The following GAK variants were observed in gnomAD, a reference collection of about 807,000 sequenced individuals.
The protein encoded by GAK is cyclin-G-associated kinase.
A neutral mutation model predicts 143.9 loss-of-function variants in GAK; 79 were observed. The ratio of observed to expected loss-of-function variants is 0.55; its 90% CI spans 0.46 to 0.66. The LOEUF (loss-of-function observed/expected upper bound fraction) is 0.66. Among genes scored for constraint, GAK ranks in the 30% least tolerant of loss-of-function variants. The pLI, the probability that GAK is intolerant of heterozygous loss-of-function variation, is 0.00. For missense variants in GAK, 1,693 were observed against 1,779.7 expected (o/e 0.95, Z 0.88); for synonymous variants, 881 against 765.5 (o/e 1.15, Z -2.49).
At chr4:849,830 C>CCGGGGGGGGGGGGG in intron 27 of GAK, 56 bp from the exon 28 acceptor site, 20 of 1,172,308 alleles carry the variant, frequency 1.7e-5, no homozygotes, top group Non-Finnish European at 2.3e-5. Flanking sequence ...GCGGGCGGGG[C>CCGGGGGGGGGGGGG]AGGACCCCCC....
At chr4:864,922 G>A (rs1008859675) in intron 23 of GAK, among the ~76,000 whole-genome samples, 200 bp downstream of exon 23, 1 of 152,230 alleles carries the variant, frequency 6.6e-6, no homozygotes, top group Non-Finnish European at 1.5e-5. Flanking sequence ...GTGTCCCCAC[G>A]TACCCCAGGC....
At chr4:893,829 G>T (rs752914875) in intron 8 of GAK, 45 bp downstream of exon 8, 5 of 1,527,156 alleles carry the variant, frequency 3.3e-6, no homozygotes, top group Non-Finnish European at 4.4e-6. Flanking sequence ...CGCGGGGTCT[G>T]TGCTCCAGGG....
At chr4:921,301 C>T (rs1436426558) in intron 1 of GAK, among the ~76,000 whole-genome samples, 4 of 152,198 alleles carry the variant, frequency 2.6e-5, no homozygotes, top group Admixed American at 2.0e-4. Context: ...CGGGGTTTCA[C>T]TATGTTGCCC....
intron 4 of GAK, among the ~76,000 whole-genome samples, chr4:909,693 A>T (rs895111803): frequency 1.3e-5 from 2 of 152,160 alleles, no homozygotes; most frequent in South Asian, 2.1e-4. Flanking sequence ...GACGTCTGCG[A>T]CTTATTTTTA....
intron 9 of GAK, among the ~76,000 whole-genome samples, chr4:892,437 G>A (rs1195679946): frequency 2.0e-5 from 3 of 152,216 alleles, no homozygotes; most frequent in African/African-American, 7.2e-5. Flanking sequence ...TCTGCCTCGA[G>A]GATCTGGTGA....
chr4:888,833 A>G lies in GAK; in HGVS notation c.1205+14T>C. On this transcript the variant is annotated intron_variant, in intron 11 of 27. Transcript: ENST00000314167. The stretch of plus-strand genomic sequence containing the variant: ...GCGTGCGGCAGGTCCAGGGCTCTGG[A>G]GCCTCACACTCACTTAGCGACGGAC... 2 of 1,596,194 alleles carry G rather than the reference A, an allele frequency of 1.3e-6. No homozygotes were observed. The highest frequency in any genetic ancestry group is 2.3e-5 in the East Asian group (1 of 44,236).
At position 883,414 on chromosome 4, in the gene GAK, G is replaced by C. The variant is rs1170092381; in HGVS notation, c.1305C>G (p.Ile435Met). 6.2e-7 allele frequency: 1 copy of C among 1,613,820 alleles called. No individual in the cohort carries two copies. ...AGTCCAGGAACAACCGCACATCTTC[G>C]ATGTTGTTTTTGAGCGCTGACTCCA... The part of the protein sequence containing the change: ...EGVESALKNN[I>M]EDVRLFLDSK... Residue 435 changes from isoleucine (I) to methionine (M), a missense_variant, in exon 13 of 28, where the codon ATC becomes ATG. Ile to Met is a conservative substitution (Grantham distance 10). Transcript: ENST00000314167.
At chr4:865,390 T>A in intron 22 of GAK, 146 bp from the exon 23 acceptor site, 1 of 929,892 alleles carries the variant, frequency 1.1e-6, no homozygotes, top group South Asian at 1.5e-5. Flanking sequence ...GCCTCTCTCT[T>A]CCTGAAGGGT....
chr4:870,939 A>T, intron 18 of GAK, 35 bp from the exon 19 acceptor site: 1 of 1,556,260 alleles, frequency 6.4e-7, no homozygotes, highest in Non-Finnish European at 8.8e-7. Flanking sequence ...TAGGAAGGCC[A>T]CCCAAGTAGT....
In GAK at chr4:895,921, C is replaced by A. The variant is rs373625564; in HGVS notation, c.741+539G>T. Among the ~76,000 whole-genome samples, 6 of 152,334 alleles carry A rather than the reference C, an allele frequency of 3.9e-5. No homozygotes were observed. The East Asian group carries it at 7.7e-4, about 20-fold the overall frequency. ...CGAGGGGAGCCTCAGGCAGACCCAG[C>A]CGCACAGGACGCCCCCAACTGCTAC... On this transcript the variant is annotated intron_variant, in intron 7 of 27. Coordinates refer to ENST00000314167, the MANE Select transcript of GAK (RefSeq NM_005255.4).
chr4:922,542 T>C (rs1271230376), intron 1 of GAK, among the ~76,000 whole-genome samples: 1 of 142,276 alleles, frequency 7.0e-6, no homozygotes, highest in Admixed American at 7.1e-5. Context: ...AAAGGCAGCA[T>C]CTGCAAACCA....
intron 5 of GAK, among the ~76,000 whole-genome samples, chr4:902,611 A>AAAAAAAAAAAAAAAC (rs1560401685): frequency 1.3e-5 from 2 of 149,830 alleles, no homozygotes; most frequent in African/African-American, 2.5e-5. Context: ...AAAAAAAAAA[A>AAAAAAAAAAAAAAAC]AAACCCCAAA....
chr4:883,386 T>C lies in GAK; in HGVS notation c.1333A>G (p.Lys445Glu), dbSNP rs375006351. 6.2e-7 allele frequency: 1 copy of C among 1,613,788 alleles called. No individual in the cohort carries two copies. Among genetic ancestry groups the C allele is most frequent in the Non-Finnish European group, 8.5e-7 (1 of 1,179,990 alleles). The change falls in exon 13 of 28, where the codon AAG (lysine) becomes GAG (glutamate). Residue 445 changes from lysine to glutamate, a missense_variant. Coordinates refer to ENST00000314167, the MANE Select transcript of GAK (RefSeq NM_005255.4). ...IEDVRLFLDSKHPGHYAVYNL... is the reference protein window; with the variant it reads ...IEDVRLFLDSEHPGHYAVYNL... ...TAGACGGCATAGTGCCCTGGGTGCT[T>C]GGAGTCCAGGAACAACCGCACATCT... is the stretch of plus-strand genomic sequence containing the variant.
intron 26 of GAK, 179 bp from the exon 27 acceptor site, chr4:850,247 C>T (rs2306241): frequency 0.59 from 307,862 of 523,748 alleles, 91,988 homozygotes; most frequent in South Asian, 0.78. Flanking sequence ...CCACTCCGGA[C>T]GACACAGGGC....
At chr4:899,103 A>C (rs1482153748) in intron 5 of GAK, among the ~76,000 whole-genome samples, 1 of 152,210 alleles carries the variant, frequency 6.6e-6, no homozygotes, top group Non-Finnish European at 1.5e-5. Context: ...TTAATGGCAG[A>C]GCCATGGCAA....
intron 6 of GAK, among the ~76,000 whole-genome samples, chr4:897,135 G>A (rs1018027751): frequency 4.6e-5 from 7 of 152,126 alleles, no homozygotes; most frequent in Admixed American, 2.6e-4. Flanking sequence ...GGCTGGGGCC[G>A]CAGAGCTGTG....
intron 23 of GAK, 35 bp from the exon 24 acceptor site, chr4:859,757 C>T (rs1353295507): frequency 6.8e-7 from 1 of 1,461,228 alleles, no homozygotes; most frequent in Admixed American, 2.0e-5. Context: ...GAACAAGCAC[C>T]ATCTGAAGCG....
intron 23 of GAK, among the ~76,000 whole-genome samples, chr4:864,631 ACGGGGCGTCGCAAACACGAC>A (rs1183489414): frequency 4.6e-5 from 7 of 152,206 alleles, no homozygotes; most frequent in African/African-American, 1.4e-4. Context: ...CTGACAGGGC[ACGGGGCGTCGCAAACACGAC>A]TGCTGTACAT....
At chr4:896,652 G>A in intron 6 of GAK, 103 bp from the exon 7 acceptor site, 3 of 872,432 alleles carry the variant, frequency 3.4e-6, no homozygotes, top group South Asian at 2.9e-5. Flanking sequence ...AGCAGACTGA[G>A]GGGCAGCCTG....
Sources: gnomAD v4.1 joint callset for allele counts (sites outside exome capture counted in the v4.1 genomes callset) on GRCh38, gnomAD v4.1.1 for gene constraint, MANE v1.5 for transcripts, NCBI Gene and HGNC (gene_info 2026-07-23, HGNC 2026-07-21) for gene names.